Variants in HPSE2 observed in about 807,000 individuals in gnomAD.
HPSE2 encodes inactive heparanase-2.
HPSE2 carries 38 observed loss-of-function variants against 60.5 expected under a neutral mutation model. The ratio of observed to expected loss-of-function variants is 0.63; its 90% CI spans 0.48 to 0.82. HPSE2 has a LOEUF of 0.82. HPSE2 is among the 40% of genes least tolerant of loss of function. The probability of loss-of-function intolerance (pLI) is 0.00; values close to 1 mark genes in which losing one functional copy is unlikely to be tolerated. For synonymous variants in HPSE2, 295 were observed against 293.2 expected (o/e 1.01, Z -0.06); for missense variants, 713 against 740.4 (o/e 0.96, Z 0.43).
At chr10:98,514,914 G>A (rs1942548648) in intron 9 of HPSE2, among the ~76,000 whole-genome samples, 1 of 151,606 alleles carries the variant, frequency 6.6e-6, no homozygotes. Flanking sequence ...AGCAGAGACA[G>A]GGTTTCACCA....
At chr10:98,672,697 A>G (rs2134115491) in intron 6 of HPSE2, among the ~76,000 whole-genome samples, 2 of 152,320 alleles carry the variant, frequency 1.3e-5, no homozygotes, top group Admixed American at 1.3e-4. Context: ...CTCTAATGAC[A>G]GTAGCTGGGC....
intron 3 of HPSE2, among the ~76,000 whole-genome samples, chr10:99,095,049 G>C (rs1414277931): frequency 6.6e-6 from 1 of 152,016 alleles, no homozygotes; most frequent in East Asian, 1.9e-4. Flanking sequence ...TTAGCTGAGT[G>C]TGGTGGTGTG....
At chr10:99,236,054 A>G (rs1589856010), upstream of HPSE2, among the ~76,000 whole-genome samples, 1 of 132,746 alleles carries the variant, frequency 7.5e-6, no homozygotes, top group African/African-American at 3.0e-5. Flanking sequence ...GTGCTGGTGG[A>G]GCGAACTCAC....
At chr10:98,810,973 G>A (rs1405218188) in intron 3 of HPSE2, among the ~76,000 whole-genome samples, 2 of 151,982 alleles carry the variant, frequency 1.3e-5, no homozygotes, top group Non-Finnish European at 2.9e-5. Flanking sequence ...CCAAATATAT[G>A]CTACAAACCC....
At chr10:99,309,318 G>C in the HPSE2 span, among the ~76,000 whole-genome samples, 1 of 152,082 alleles carries the variant, frequency 6.6e-6, no homozygotes, top group African/African-American at 2.4e-5. Context: ...TACATTAAGA[G>C]GATTAGTTTT....
intron 11 of HPSE2, among the ~76,000 whole-genome samples, chr10:98,478,407 T>C: frequency 6.6e-6 from 1 of 151,758 alleles, no homozygotes. Flanking sequence ...ACAGGGGGAA[T>C]GGGGACCAGA....
chr10:99,060,969 G>C (rs1344736830), intron 3 of HPSE2, among the ~76,000 whole-genome samples: 3 of 152,062 alleles, frequency 2.0e-5, no homozygotes, highest in Non-Finnish European at 2.9e-5. Flanking sequence ...GGGGGTAAGA[G>C]AGTCAGGATA....
At chr10:98,675,933 C>T (rs1274203855) in intron 6 of HPSE2, among the ~76,000 whole-genome samples, 6 of 151,460 alleles carry the variant, frequency 4.0e-5, no homozygotes, top group Non-Finnish European at 8.8e-5. Context: ...GTTCCAGCTA[C>T]TTTAGAGGCT....
rs1406993297 is a variant in HPSE2, at chr10:98,908,664, CA to C, written c.611-164609del. 5.0e-5 allele frequency among the ~76,000 whole-genome samples: 5 copies of C among 100,366 alleles called. No individual in the cohort carries two copies. In the Admixed American group the frequency reaches 8.2e-4, roughly 17 times the overall value. 65.8% of individuals were successfully genotyped at this position (100,366 alleles called of 152,430 possible). A position where few individuals can be genotyped will look rare whatever the true frequency, so the allele number is the denominator to read the frequency against. On this transcript the variant is annotated intron_variant, in intron 3 of 11. Transcript: ENST00000370552. ...TGCCGTTGCACTCCAGCCCAGGCAA[CA>C]AGAGCGTAGCTCCATCTCAAAAAAA...
intron 3 of HPSE2, among the ~76,000 whole-genome samples, chr10:99,142,957 C>T (rs866198023): frequency 1.3e-5 from 2 of 151,876 alleles, no homozygotes; most frequent in African/African-American, 2.4e-5. Flanking sequence ...TACACACACA[C>T]ACGCACGTAT....
intron 2 of HPSE2, among the ~76,000 whole-genome samples, chr10:99,212,830 T>C (rs556894357): frequency 1.4e-4 from 21 of 152,160 alleles, no homozygotes; most frequent in Non-Finnish European, 2.2e-4. Context: ...TATATGTTAA[T>C]TAGCTCCACT....
intron 9 of HPSE2, among the ~76,000 whole-genome samples, chr10:98,580,256 T>C (rs1480473933): frequency 2.0e-5 from 3 of 152,184 alleles, no homozygotes; most frequent in Non-Finnish European, 4.4e-5. Flanking sequence ...TGAAATTTAC[T>C]AGGCCCTTCA....
At chr10:98,568,643 A>T (rs535878434) in intron 9 of HPSE2, among the ~76,000 whole-genome samples, 5 of 152,320 alleles carry the variant, frequency 3.3e-5, no homozygotes, top group African/African-American at 1.2e-4. Context: ...TCTAGGTCCA[A>T]CAACTCCTTT....
chr10:98,728,762 C>A (rs1949154422), intron 4 of HPSE2, among the ~76,000 whole-genome samples: 1 of 152,110 alleles, frequency 6.6e-6, no homozygotes, highest in Non-Finnish European at 1.5e-5. Context: ...AATCCCAGCA[C>A]TTTGCTAGGC....
intron 3 of HPSE2, chr10:99,013,308 G>A (rs1957060009): frequency 6.4e-6 from 4 of 620,456 alleles, no homozygotes; most frequent in Non-Finnish European, 1.2e-5. Context: ...GTCCTCATGT[G>A]CTAACATTTT....
intron 6 of HPSE2, among the ~76,000 whole-genome samples, chr10:98,657,863 G>T (rs481881): frequency 0.2 from 30,302 of 152,106 alleles, 3,357 homozygotes; most frequent in East Asian, 0.34. Context: ...ACCATCTTAA[G>T]TGGCACCAAT....
chr10:98,937,155 C>T lies in HPSE2; in HGVS notation c.611-193099G>A, dbSNP rs748884944. 4.9e-5 allele frequency among the ~76,000 whole-genome samples: 7 copies of T among 143,748 alleles called. 2 individuals are homozygous for T. The highest frequency in any genetic ancestry group is 8.9e-5 in the Non-Finnish European group (6 of 67,172). 94.3% of individuals were successfully genotyped at this position (143,748 alleles called of 152,430 possible). A position where few individuals can be genotyped will look rare whatever the true frequency, so the allele number is the denominator to read the frequency against. ...CTGGTCTACAGCTCCCAGCGTTAAG[C>T]GACACAGAACACGGGTGATTTCTGC... On this transcript the variant is annotated intron_variant, in intron 3 of 11. Transcript: ENST00000370552.
chr10:98,914,780 G>C (rs1954071905), intron 3 of HPSE2, among the ~76,000 whole-genome samples: 1 of 151,492 alleles, frequency 6.6e-6, no homozygotes, highest in Admixed American at 6.6e-5. Context: ...AACCATGGCA[G>C]CATTAAGATA....
intron 5 of HPSE2, among the ~76,000 whole-genome samples, chr10:98,701,759 G>T (rs1948416426): frequency 6.6e-6 from 1 of 152,196 alleles, no homozygotes; most frequent in South Asian, 2.1e-4. Flanking sequence ...AGCAAATGCT[G>T]AGGGATTTTG....
Sources: gnomAD v4.1 joint callset for allele counts (sites outside exome capture counted in the v4.1 genomes callset) on GRCh38, gnomAD v4.1.1 for gene constraint, MANE v1.5 for transcripts, NCBI Gene and HGNC (gene_info 2026-07-23, HGNC 2026-07-21) for gene names.